STAU1: variants seen among roughly 807,000 people sequenced by gnomAD.
STAU1 encodes staufen double-stranded RNA binding protein 1, also known as double-stranded RNA-binding protein Staufen homolog 1.
Under a neutral mutation model 62.9 loss-of-function variants are expected in STAU1, and 13 were observed. That is an observed-to-expected ratio of 0.21 (90% CI 0.13 to 0.33). The LOEUF is 0.33. STAU1 is among the 10% of genes least tolerant of loss of function. The probability of loss-of-function intolerance (pLI) is 1.00; values close to 1 mark genes in which losing one functional copy is unlikely to be tolerated. For missense variants in STAU1, 571 were observed against 712.1 expected, an observed-to-expected ratio of 0.80 and a Z score of 2.25; for synonymous variants, 269 against 265.1, an observed-to-expected ratio of 1.01 and a Z score of -0.14.
intron 5 of STAU1, among the ~76,000 whole-genome samples, chr20:49,150,562 C>G (rs1225741723): frequency 6.6e-6 from 1 of 152,108 alleles, no homozygotes; most frequent in Non-Finnish European, 1.5e-5. Context: ...GGGGTTTCAC[C>G]ATCTTAGCCA....
At chr20:49,173,400 A>G (rs1012587854) in intron 2 of STAU1, among the ~76,000 whole-genome samples, 5 of 152,166 alleles carry the variant, frequency 3.3e-5, no homozygotes, top group Non-Finnish European at 7.3e-5. Flanking sequence ...GAGGTGAGCC[A>G]ACATGGCGCC....
chr20:49,163,486 C>T (rs958156707), intron 3 of STAU1, among the ~76,000 whole-genome samples: 2 of 126,786 alleles, frequency 1.6e-5, no homozygotes, highest in Non-Finnish European at 3.1e-5. Context: ...AGTGCGGTGA[C>T]ATGATCTTGG....
At chr20:49,213,416 G>A in the STAU1 span, among the ~76,000 whole-genome samples, 3 of 152,054 alleles carry the variant, frequency 2.0e-5, no homozygotes, top group Middle Eastern at 3.2e-3. Context: ...TTTTATTAGA[G>A]ATGGGGTTTC....
chr20:49,170,243 C>T (rs2093580080), intron 2 of STAU1, among the ~76,000 whole-genome samples: 1 of 152,194 alleles, frequency 6.6e-6, no homozygotes, highest in Non-Finnish European at 1.5e-5. Context: ...TATCTGCAAT[C>T]GTGCTTAGTC....
At chr20:49,213,816 A>G in the STAU1 span, among the ~76,000 whole-genome samples, 1 of 152,224 alleles carries the variant, frequency 6.6e-6, no homozygotes. Flanking sequence ...TAAGCAATCA[A>G]GTAAAATGGA....
chr20:49,151,852 T>G, intron 4 of STAU1, 105 bp from the exon 5 acceptor site: 1 of 1,006,620 alleles, frequency 9.9e-7, no homozygotes, highest in Non-Finnish European at 1.4e-6. Flanking sequence ...CCTACTCACA[T>G]TAGTGTTTGA....
the STAU1 span, among the ~76,000 whole-genome samples, chr20:49,213,150 C>T: frequency 1.9e-4 from 29 of 152,048 alleles, no homozygotes; most frequent in East Asian, 2.9e-3. Flanking sequence ...GGATTATAGG[C>T]GCACACTACC....
At chr20:49,173,731 C>T (rs768909549) in intron 2 of STAU1, among the ~76,000 whole-genome samples, 70 of 152,198 alleles carry the variant, frequency 4.6e-4, no homozygotes, top group African/African-American at 1.6e-3. Context: ...TCTTAGAAAA[C>T]TCCTTTTTTA....
chr20:49,186,209 G>A (rs1375872233), intron 1 of STAU1, among the ~76,000 whole-genome samples: 2 of 151,976 alleles, frequency 1.3e-5, no homozygotes, highest in Admixed American at 1.3e-4. Context: ...AACACGGCGC[G>A]GTGGCGGGCG....
upstream of STAU1, among the ~76,000 whole-genome samples, chr20:49,188,566 G>A (rs946645819): frequency 1.6e-4 from 24 of 152,362 alleles, no homozygotes; most frequent in African/African-American, 4.8e-4. Flanking sequence ...GAGTCCCGGG[G>A]CCTGCCGGGA....
chr20:49,153,480 C>A (rs1215255981), intron 4 of STAU1, among the ~76,000 whole-genome samples: 1 of 150,226 alleles, frequency 6.7e-6, no homozygotes, highest in Non-Finnish European at 1.5e-5. Flanking sequence ...CCAAGGTGGG[C>A]AGATCATCTG....
Position 49,117,097 on chromosome 20 carries a change from C to T in STAU1, c.1632+29G>A. 3.1e-6 allele frequency: 5 copies of T among 1,612,786 alleles called. No individual in the cohort carries two copies. Among genetic ancestry groups the T allele is most frequent in the Non-Finnish European group, 4.2e-6 (5 of 1,179,278 alleles). ...CAGGCTCCACATAAACACACAACACCCCAATCCCTCACCCAAGGTGTGACG... is the reference window on the plus strand; with the variant it reads ...CAGGCTCCACATAAACACACAACACTCCAATCCCTCACCCAAGGTGTGACG... On this transcript the variant is annotated intron_variant, in intron 12 of 13. Transcript: ENST00000371856. This position sits in a 1 kb window ranked among gnomAD's most constrained non-coding sequence, Gnocchi z 4.6.
chr20:49,146,189 C>T (rs1023550309), intron 5 of STAU1, among the ~76,000 whole-genome samples: 7 of 151,964 alleles, frequency 4.6e-5, no homozygotes, highest in African/African-American at 1.7e-4. Context: ...CTGCTTGAGT[C>T]CAGGAGGCGG....
At chr20:49,127,668 T>C in intron 6 of STAU1, among the ~76,000 whole-genome samples, 1 of 151,524 alleles carries the variant, frequency 6.6e-6, no homozygotes. Context: ...ATCGCGCCAT[T>C]GCATTCCAGC....
At chr20:49,211,129 A>G in the STAU1 span, among the ~76,000 whole-genome samples, 2 of 152,208 alleles carry the variant, frequency 1.3e-5, no homozygotes, top group Non-Finnish European at 2.9e-5. Context: ...AGGTTCATCC[A>G]CAATGTAGCA....
At chr20:49,157,480 A>T (rs1214326040) in intron 3 of STAU1, among the ~76,000 whole-genome samples, 1 of 146,306 alleles carries the variant, frequency 6.8e-6, no homozygotes, top group African/African-American at 2.5e-5. Context: ...TACTTGGCTA[A>T]TTTTTTTTTT....
chr20:49,197,621 C>T, the STAU1 span, among the ~76,000 whole-genome samples: 4 of 151,956 alleles, frequency 2.6e-5, no homozygotes, highest in South Asian at 4.2e-4. Flanking sequence ...AGGCTGGTCT[C>T]GAACTCCCGA....
the STAU1 span, among the ~76,000 whole-genome samples, chr20:49,201,510 G>A: frequency 1.3e-5 from 2 of 152,236 alleles, no homozygotes; most frequent in Admixed American, 6.6e-5. Context: ...GGGGGGCTGA[G>A]GCGGGAGGAT....
rs2093248984 is a variant in STAU1, at chr20:49,151,523, T to C, written c.510+59A>G. 3 of 1,451,750 alleles carry C rather than the reference T, an allele frequency of 2.1e-6. No homozygotes were observed. In the Admixed American group the frequency reaches 8.2e-5, roughly 40 times the overall value. The allele number at this position is 1,451,750 out of a possible 1,614,324, so 89.9% of individuals were successfully genotyped here. The stretch of plus-strand genomic sequence containing the variant: ...TTAGAAAAGATAATGTGCGGTGACA[T>C]CTCCCCACTACCCTCCTACCCTGTC... On this transcript the variant is annotated intron_variant, in intron 5 of 13. Transcript: ENST00000371856.
Sources: allele counts gnomAD v4.1 joint callset (sites outside exome capture counted in the v4.1 genomes callset), GRCh38; gene constraint gnomAD v4.1.1; non-coding constraint Gnocchi (gnomAD v3.1); transcripts MANE v1.5; gene names NCBI Gene and HGNC (gene_info 2026-07-23, HGNC 2026-07-21).